The following SEMA5B variants were observed in gnomAD, a reference collection of about 807,000 sequenced individuals.
SEMA5B encodes the protein semaphorin-5B.
SEMA5B carries 66 observed loss-of-function variants against 135.0 expected under a neutral mutation model. The observed-to-expected ratio is 0.49, with a 90% confidence interval of 0.40 to 0.60. SEMA5B has a LOEUF of 0.60. SEMA5B is among the 20% of genes least tolerant of loss of function. The probability of loss-of-function intolerance (pLI) is 0.00; values close to 1 mark genes in which losing one functional copy is unlikely to be tolerated. For synonymous variants in SEMA5B, 690 were observed against 639.5 expected (o/e 1.08, Z -1.19); for missense variants, 1,501 against 1,566.3 (o/e 0.96, Z 0.70).
rs535129421 is a variant in SEMA5B at position 122,973,602 on chromosome 3, T to C, written c.-38-12301A>G. 3.3e-5 allele frequency among the ~76,000 whole-genome samples: 5 copies of C among 152,330 alleles called. 1 individual carries two copies. In the South Asian group the frequency reaches 1.0e-3, roughly 32 times the overall value. On this transcript the variant is annotated intron_variant, in intron 1 of 22. Coordinates refer to ENST00000357599, the MANE Select transcript of SEMA5B (RefSeq NM_001031702.4). Reference sequence around the variant, plus strand: ...AGAGTTTTGTTCCTTTTGGTTTATGTTATCGCAGTTATGATGGTGTTTGTG... The same window carrying C: ...AGAGTTTTGTTCCTTTTGGTTTATGCTATCGCAGTTATGATGGTGTTTGTG...
At chr3:122,954,895 C>T (rs762109619) in intron 2 of SEMA5B, among the ~76,000 whole-genome samples, 3 of 150,210 alleles carry the variant, frequency 2.0e-5, no homozygotes, top group Non-Finnish European at 3.0e-5. Context: ...CAGGCTCAAG[C>T]GATCCTCCCT....
intron 2 of SEMA5B, among the ~76,000 whole-genome samples, chr3:122,957,211 G>C (rs903581717): frequency 1.3e-5 from 2 of 152,222 alleles, no homozygotes; most frequent in African/African-American, 2.4e-5. Context: ...TGCATGCTTT[G>C]GGAAGTTTGG....
intron 10 of SEMA5B, among the ~76,000 whole-genome samples, chr3:122,922,882 G>A (rs1938438195): frequency 1.5e-5 from 1 of 66,576 alleles, no homozygotes; most frequent in Admixed American, 1.3e-4. Context: ...GAAGCCTTCT[G>A]AGCATCTCCT....
intron 10 of SEMA5B, among the ~76,000 whole-genome samples, chr3:122,922,954 C>T (rs1938441895): frequency 6.6e-6 from 1 of 152,170 alleles, no homozygotes; most frequent in Admixed American, 6.5e-5. Flanking sequence ...CAGTATTATC[C>T]CTAGTTCCAG....
intron 1 of SEMA5B, among the ~76,000 whole-genome samples, chr3:122,963,922 T>A (rs1318825654): frequency 2.0e-5 from 3 of 152,122 alleles, no homozygotes; most frequent in African/African-American, 4.8e-5. Context: ...CCCTCTTCTC[T>A]CACTGTAGCC....
intron 12 of SEMA5B, among the ~76,000 whole-genome samples, chr3:122,918,226 G>A (rs555056716): frequency 6.6e-6 from 1 of 152,352 alleles, no homozygotes; most frequent in Admixed American, 6.5e-5. Context: ...ATCAGCTTAT[G>A]TAAGACAAAT....
intron 1 of SEMA5B, among the ~76,000 whole-genome samples, chr3:122,992,521 G>A (rs2107724095): frequency 6.6e-6 from 1 of 152,236 alleles, no homozygotes; most frequent in Admixed American, 6.5e-5. Flanking sequence ...TACCCAACCA[G>A]GAGAGGGAAG....
At chr3:123,017,538 A>C (rs1276805129) in intron 1 of SEMA5B, among the ~76,000 whole-genome samples, 3 of 152,226 alleles carry the variant, frequency 2.0e-5, no homozygotes, top group Non-Finnish European at 2.9e-5. Context: ...ATCCAGCAAC[A>C]GAAAGAATGA....
Position 122,928,594 on chromosome 3 carries a change from G to T in SEMA5B, c.559C>A (p.Arg187=). 6.4e-7 allele frequency: 1 copy of T among 1,558,602 alleles called. No individual in the cohort carries two copies. The highest frequency in any genetic ancestry group is 8.7e-7 in the Non-Finnish European group (1 of 1,150,556). Reference sequence around the variant, plus strand: ...TTCCGGCCGGCGACGATCAGGACTCGCACGTAGTTCTGACACTCCTCCTGA... The same window carrying T: ...TTCCGGCCGGCGACGATCAGGACTCTCACGTAGTTCTGACACTCCTCCTGA... ...KTEEECQNYV[R]VLIVAGRKVF... is the part of the protein sequence containing the mutation. The change falls in exon 7 of 23, where the codon CGA becomes AGA. Residue 187 remains arginine, a synonymous_variant. Coordinates refer to ENST00000357599, the MANE Select transcript of SEMA5B (RefSeq NM_001031702.4).
intron 1 of SEMA5B, among the ~76,000 whole-genome samples, chr3:123,025,770 G>A (rs377169648): frequency 2.0e-5 from 3 of 152,128 alleles, no homozygotes; most frequent in Non-Finnish European, 4.4e-5. Flanking sequence ...AGTTCTCACC[G>A]CCCCATGAGT....
At chr3:122,943,599 C>G in intron 3 of SEMA5B, 64 bp from the exon 4 acceptor site, 1 of 1,220,766 alleles carries the variant, frequency 8.2e-7, no homozygotes, top group Non-Finnish European at 1.2e-6. Context: ...TGCATCGCAG[C>G]AGACCACAGA....
rs749062365 is a variant in SEMA5B at position 122,910,904 on chromosome 3, T to C, written c.3233A>G (p.Asn1078Ser). The change falls in exon 22 of 23, where the codon AAC becomes AGC. Residue 1078 changes from asparagine (N) to serine (S), a missense_variant. Physicochemically the swap from Asn to Ser is conservative, Grantham distance 46. Transcript: ENST00000357599. Reference protein sequence around the residue: ...ESTLVHPATPNHLHYKGGGTP... With the variant: ...ESTLVHPATPSHLHYKGGGTP... ...GCCTCCGCCCTTGTAGTGCAAATGGTTGGGGGTGGCAGGATGGACCAGTGT... is the reference window on the plus strand; with the variant it reads ...GCCTCCGCCCTTGTAGTGCAAATGGCTGGGGGTGGCAGGATGGACCAGTGT... 4.3e-6 allele frequency: 7 copies of C among 1,612,650 alleles called. No individual in the cohort carries two copies. In the East Asian group the frequency reaches 1.3e-4, roughly 31 times the overall value.
intron 1 of SEMA5B, among the ~76,000 whole-genome samples, chr3:122,971,158 C>G (rs1337473446): frequency 6.6e-6 from 1 of 152,226 alleles, no homozygotes; most frequent in Non-Finnish European, 1.5e-5. Flanking sequence ...CCTGAACAAA[C>G]CACCTTAGTC....
At position 122,912,206 on chromosome 3, in the gene SEMA5B, C is replaced by G; in HGVS notation, c.2862G>C (p.Thr954=). The change falls in exon 19 of 23, where the codon ACG becomes ACC. Residue 954 remains threonine (T), a synonymous_variant. Transcript: ENST00000357599. The part of the protein sequence containing the change: ...PGEDICLGLH[T]EEALCATQAC... ...CCTGTGTGGCACATAGTGCCTCCTCCGTGTGCAGCCCGAGACAGATGTCCT... is the reference window on the plus strand; with the variant it reads ...CCTGTGTGGCACATAGTGCCTCCTCGGTGTGCAGCCCGAGACAGATGTCCT... The G allele has an allele frequency of 1.2e-6, 2 of 1,602,452 alleles. No homozygotes were observed. The highest frequency in any genetic ancestry group is 1.7e-6 in the Non-Finnish European group (2 of 1,172,830).
chr3:123,005,040 T>G (rs1942271939), intron 1 of SEMA5B, among the ~76,000 whole-genome samples: 1 of 152,190 alleles, frequency 6.6e-6, no homozygotes, highest in Non-Finnish European at 1.5e-5. Flanking sequence ...TCTCTTGCCT[T>G]CAGGAAGGCC....
intron 1 of SEMA5B, among the ~76,000 whole-genome samples, chr3:123,008,669 G>T (rs1162820483): frequency 6.6e-6 from 1 of 152,170 alleles, no homozygotes. Context: ...TGGGGGCTAC[G>T]CATTCAAAAT....
rs758391272 is a variant in SEMA5B, at chr3:122,912,985, C to A, written c.2583G>T (p.Pro861=). 1.3e-5 allele frequency: 21 copies of A among 1,609,778 alleles called. No individual in the cohort carries two copies. The highest frequency in any genetic ancestry group is 2.2e-5 in the East Asian group (1 of 44,744). The part of the protein sequence containing the change: ...TVSGGWAAWG[P]WSSCSRDCEL... ...CGCAGTCCCGGGAGCAGGACGACCACGGGCCCCAGGCGGCCCAGCCCCCGC... is the reference window on the plus strand; with the variant it reads ...CGCAGTCCCGGGAGCAGGACGACCAAGGGCCCCAGGCGGCCCAGCCCCCGC... The change falls in exon 18 of 23, where the codon CCG becomes CCT. Residue 861 remains proline, a synonymous_variant. Coordinates refer to ENST00000357599, the MANE Select transcript of SEMA5B (RefSeq NM_001031702.4).
intron 4 of SEMA5B, 34 bp downstream of exon 4, chr3:122,943,402 C>A (rs1939649312): frequency 4.1e-6 from 6 of 1,458,368 alleles, no homozygotes; most frequent in Non-Finnish European, 5.7e-6. Flanking sequence ...CAAGCCCCTG[C>A]ACTTCCCACC....
At position 122,922,230 on chromosome 3, in the gene SEMA5B, G is replaced by A. The variant is rs1322453771; in HGVS notation, c.1480+10C>T. On this transcript the variant is annotated intron_variant, in intron 11 of 22. Coordinates refer to ENST00000357599, the MANE Select transcript of SEMA5B (RefSeq NM_001031702.4). The stretch of plus-strand genomic sequence containing the variant: ...CGACCTGCAGTCCAGGTTGGACCGG[G>A]CCGGCTCACCGGTGCCAATGTAGAG... 5 of 1,606,044 alleles carry A rather than the reference G, an allele frequency of 3.1e-6. No homozygotes were observed. Among genetic ancestry groups the A allele is most frequent in the Non-Finnish European group, 1.7e-6 (2 of 1,173,980 alleles).
Sources: gnomAD v4.1 joint callset for allele counts (sites outside exome capture counted in the v4.1 genomes callset) on GRCh38, gnomAD v4.1.1 for gene constraint, MANE v1.5 for transcripts, NCBI Gene and HGNC (gene_info 2026-07-23, HGNC 2026-07-21) for gene names.